The following FNTB variants were observed in gnomAD, a reference collection of about 807,000 sequenced individuals.
FNTB encodes the protein protein farnesyltransferase subunit beta.
Under a neutral mutation model 59.4 loss-of-function variants are expected in FNTB, and 27 were observed. That is an observed-to-expected ratio of 0.45 (90% CI 0.34 to 0.63). The LOEUF (loss-of-function observed/expected upper bound fraction) is 0.63. Among genes scored for constraint, FNTB ranks in the 20% least tolerant of loss-of-function variants. FNTB has a pLI of 0.02. For missense variants in FNTB, 449 were observed against 559.6 expected (o/e 0.80, Z 1.99); for synonymous variants, 230 against 220.7 (o/e 1.04, Z -0.37).
intron 1 of FNTB, among the ~76,000 whole-genome samples, chr14:64,996,766 CTTTTTTTTT>C (rs34327825): frequency 1.1e-5 from 1 of 94,464 alleles, no homozygotes; most frequent in Non-Finnish European, 2.1e-5. Context: ...TTGCTAACAT[CTTTTTTTTT>C]TTTTTTTTTT....
chr14:65,042,651 A>C (rs1330992428), intron 8 of FNTB, among the ~76,000 whole-genome samples: 4 of 152,142 alleles, frequency 2.6e-5, no homozygotes, highest in South Asian at 2.1e-4. Context: ...ACTCCCTTCC[A>C]TTTGCTTTGG....
chr14:65,027,355 G>A lies in FNTB; in HGVS notation c.375-98G>A. 5 of 1,556,592 alleles carry A rather than the reference G, an allele frequency of 3.2e-6. No individual in the cohort carries two copies. Among genetic ancestry groups the A allele is most frequent in the Non-Finnish European group, 4.3e-6 (5 of 1,150,900 alleles). The stretch of plus-strand genomic sequence containing the variant: ...GAGGTTCCCCTCAACTTTTGAGGGA[G>A]TGGGGGATCATTGGAAAGGCCTGGA... On this transcript the variant is annotated intron_variant, in intron 4 of 11. Transcript: ENST00000246166. This position sits in a 1 kb window ranked among gnomAD's most constrained non-coding sequence, Gnocchi z 5.7.
chr14:65,035,415 G>T (rs1271649639), intron 7 of FNTB, among the ~76,000 whole-genome samples: 2 of 152,168 alleles, frequency 1.3e-5, no homozygotes, highest in African/African-American at 4.8e-5. Context: ...GTCATTTGCA[G>T]GGGGGTTGAC....
At chr14:64,993,082 G>C (rs1364306511) in intron 1 of FNTB, among the ~76,000 whole-genome samples, 1 of 152,026 alleles carries the variant, frequency 6.6e-6, no homozygotes, top group Non-Finnish European at 1.5e-5. Context: ...GCCCACCTTG[G>C]ACTCCCAAAG....
At position 65,005,019 on chromosome 14, in the gene FNTB, A is replaced by G. The variant is rs182926241; in HGVS notation, c.209+706A>G. Among the ~76,000 whole-genome samples, 10 of 152,340 alleles carry G rather than the reference A, an allele frequency of 6.6e-5. No homozygotes were observed. The East Asian group carries it at 1.7e-3, about 26-fold the overall frequency. ...ACATTTAGAGTCCAGGGAGATGGCAAGGGATGGATTATTATTTGACTGGAA... is the reference window on the plus strand; with the variant it reads ...ACATTTAGAGTCCAGGGAGATGGCAGGGGATGGATTATTATTTGACTGGAA... On this transcript the variant is annotated intron_variant, in intron 2 of 11. Coordinates refer to ENST00000246166, the MANE Select transcript of FNTB (RefSeq NM_002028.4).
rs1033614965 is a variant in FNTB, at chr14:65,009,407, C to T, written c.210-2910C>T. On this transcript the variant is annotated intron_variant, in intron 2 of 11. Coordinates refer to ENST00000246166, the MANE Select transcript of FNTB (RefSeq NM_002028.4). This position sits in a 1 kb window ranked among gnomAD's most constrained non-coding sequence, Gnocchi z 4.2. ...TCATGTAGATTCCCTAACACACCCA[C>T]CACCGTGGCCACTCCACAGCTCTCC... Among the ~76,000 whole-genome samples, 87 of 152,150 alleles carry T rather than the reference C, an allele frequency of 5.7e-4. No homozygotes were observed. Among genetic ancestry groups the T allele is most frequent in the African/African-American group, 2.1e-3 (86 of 41,422 alleles).
intron 1 of FNTB, 72 bp downstream of exon 1, chr14:64,987,169 C>G: frequency 6.4e-7 from 1 of 1,573,204 alleles, no homozygotes; most frequent in Non-Finnish European, 8.7e-7. Flanking sequence ...CGTAGGGCCG[C>G]CCGGGTGCGG....
chr14:65,052,217 C>T (rs1168001582), intron 9 of FNTB, among the ~76,000 whole-genome samples: 1 of 151,992 alleles, frequency 6.6e-6, no homozygotes, highest in African/African-American at 2.4e-5. Context: ...GATGGCTATG[C>T]AGATTATGTA....
chr14:65,040,699 G>A, intron 7 of FNTB, 91 bp from the exon 8 acceptor site: 1 of 1,383,200 alleles, frequency 7.2e-7, no homozygotes, highest in Middle Eastern at 2.9e-4. Flanking sequence ...CTTAATCTGA[G>A]TGAACTTTTT....
chr14:65,033,130 T>G (rs1411619322), intron 7 of FNTB, among the ~76,000 whole-genome samples: 2 of 152,058 alleles, frequency 1.3e-5, no homozygotes, highest in South Asian at 2.1e-4. Context: ...GATGGGTAAG[T>G]GTGGTATAGT....
At position 65,007,894 on chromosome 14, in the gene FNTB, T is replaced by C. The variant is rs1438113722; in HGVS notation, c.209+3581T>C. Among the ~76,000 whole-genome samples the C allele has an allele frequency of 6.6e-6, 1 of 152,228 alleles. No individual in the cohort carries two copies. The highest frequency in any genetic ancestry group is 1.5e-5 in the Non-Finnish European group (1 of 68,042). ...CCTCAGAAGTGAGAAATATTGATAA[T>C]GTCCCTGTGCTAATAGAGCCCTGGA... On this transcript the variant is annotated intron_variant, in intron 2 of 11. Coordinates refer to ENST00000246166, the MANE Select transcript of FNTB (RefSeq NM_002028.4). The surrounding 1 kb of genome is among the most constrained non-coding windows in gnomAD (Gnocchi z 4.9).
Position 65,047,188 on chromosome 14 carries a change from G to C in FNTB, c.955+2745G>C, listed in dbSNP as rs2062503385. Reference sequence around the variant, plus strand: ...TTCCCAAGCCCTCACTGTATGCCAGGGGCTGTACTGAGCATTTCACATATG... The same window carrying C: ...TTCCCAAGCCCTCACTGTATGCCAGCGGCTGTACTGAGCATTTCACATATG... On this transcript the variant is annotated intron_variant, in intron 9 of 11. Transcript: ENST00000246166. This position sits in a 1 kb window ranked among gnomAD's most constrained non-coding sequence, Gnocchi z 5.2. 6.6e-6 allele frequency among the ~76,000 whole-genome samples: 1 copy of C among 152,110 alleles called. No individual in the cohort carries two copies. The highest frequency in any genetic ancestry group is 2.4e-5 in the African/African-American group (1 of 41,416).
chr14:64,989,168 T>C (rs1888079667), intron 1 of FNTB, among the ~76,000 whole-genome samples: 1 of 151,100 alleles, frequency 6.6e-6, no homozygotes. Flanking sequence ...AAAAACAAAT[T>C]GATGGCTGAC....
chr14:65,027,368 G>T lies in FNTB; in HGVS notation c.375-85G>T. On this transcript the variant is annotated intron_variant, in intron 4 of 11. Transcript: ENST00000246166. The surrounding 1 kb of genome is among the most constrained non-coding windows in gnomAD (Gnocchi z 5.7). Reference sequence around the variant, plus strand: ...ACTTTTGAGGGAGTGGGGGATCATTGGAAAGGCCTGGAATCTAGTGGGAAT... The same window carrying T: ...ACTTTTGAGGGAGTGGGGGATCATTTGAAAGGCCTGGAATCTAGTGGGAAT... 6.4e-7 allele frequency: 1 copy of T among 1,567,378 alleles called. No individual in the cohort carries two copies.
In FNTB at chr14:65,011,402, C is replaced by T. The variant is rs2061680657; in HGVS notation, c.210-915C>T. Among the ~76,000 whole-genome samples the T allele has an allele frequency of 7.1e-6, 1 of 140,900 alleles. No individual in the cohort carries two copies. Among genetic ancestry groups the T allele is most frequent in the Non-Finnish European group, 1.5e-5 (1 of 67,250 alleles). The allele number at this position is 140,900 out of a possible 152,430, so 92.4% of individuals were successfully genotyped here. Reference sequence around the variant, plus strand: ...TGAAATCACACCACTGCACTCCAGCCTGGGTGACAGAGCGAGACTCCGTCT... The same window carrying T: ...TGAAATCACACCACTGCACTCCAGCTTGGGTGACAGAGCGAGACTCCGTCT... On this transcript the variant is annotated intron_variant, in intron 2 of 11. Coordinates refer to ENST00000246166, the MANE Select transcript of FNTB (RefSeq NM_002028.4). This position sits in a 1 kb window ranked among gnomAD's most constrained non-coding sequence, Gnocchi z 4.0.
intron 2 of FNTB, among the ~76,000 whole-genome samples, chr14:65,006,688 C>T (rs974897557): frequency 2.6e-5 from 4 of 152,192 alleles, no homozygotes; most frequent in Non-Finnish European, 4.4e-5. Context: ...CTCTGTTTCT[C>T]ACATGAACCT....
chr14:65,023,008 T>C lies in FNTB; in HGVS notation c.375-4445T>C, dbSNP rs2061916592. 1.3e-5 allele frequency among the ~76,000 whole-genome samples: 2 copies of C among 152,242 alleles called. No individual in the cohort carries two copies. The highest frequency in any genetic ancestry group is 2.1e-4 in the South Asian group (1 of 4,832). ...CATTTTGTATTATATGCTTATTTAC[T>C]GTACATGCCTTTGAATCCTTCATCC... On this transcript the variant is annotated intron_variant, in intron 4 of 11. Coordinates refer to ENST00000246166, the MANE Select transcript of FNTB (RefSeq NM_002028.4). This position sits in a 1 kb window ranked among gnomAD's most constrained non-coding sequence, Gnocchi z 4.1.
In FNTB at chr14:64,986,932, ACTGT is replaced by A. The variant is rs757093033; in HGVS notation, c.-18_-15del. 81 of 1,613,794 alleles carry A rather than the reference ACTGT, an allele frequency of 5.0e-5. No homozygotes were observed. The highest frequency in any genetic ancestry group is 1.5e-4 in the Admixed American group (9 of 60,018). On this transcript the variant is annotated 5_prime_UTR_variant, in exon 1 of 12. Transcript: ENST00000246166. ...TGCTTAACGAAGCAGAGTCCTACAC[ACTGT>A]CTGCTGCTCTCCTGATCATGGCTTC...
intron 2 of FNTB, among the ~76,000 whole-genome samples, chr14:65,005,149 C>A (rs559456619): frequency 2.0e-5 from 3 of 152,288 alleles, no homozygotes; most frequent in African/African-American, 7.2e-5. Context: ...CTTTTGTTTT[C>A]CTTGGAGCTT....
Sources: gnomAD v4.1 joint callset for allele counts (sites outside exome capture counted in the v4.1 genomes callset) on GRCh38, gnomAD v4.1.1 for gene constraint, Gnocchi (gnomAD v3.1) non-coding constraint, MANE v1.5 for transcripts, NCBI Gene and HGNC (gene_info 2026-07-23, HGNC 2026-07-21) for gene names.